ROBO2: variants seen among roughly 807,000 people sequenced by gnomAD.
The protein encoded by ROBO2 is roundabout guidance receptor 2.
A neutral mutation model predicts 160.8 loss-of-function variants in ROBO2; 53 were observed. The observed-to-expected ratio is 0.33, with a 90% confidence interval of 0.26 to 0.41. ROBO2 has a LOEUF of 0.41. Ranked by LOEUF, ROBO2 falls within the 10% of genes least tolerant of loss-of-function variation. The probability of loss-of-function intolerance (pLI) is 1.00; values close to 1 mark genes in which losing one functional copy is unlikely to be tolerated. For missense variants in ROBO2, 1,577 were observed against 1,722.4 expected (o/e 0.92, Z 1.49); for synonymous variants, 664 against 611.7 (o/e 1.09, Z -1.26).
At chr3:75,983,720 C>T (rs553718335) in intron 2 of ROBO2, among the ~76,000 whole-genome samples, 1 of 151,226 alleles carries the variant, frequency 6.6e-6, no homozygotes, top group South Asian at 2.1e-4. Context: ...TTTTTGATAT[C>T]AACTCCAGTC....
chr3:77,609,745 T>G (rs2094589835), intron 21 of ROBO2, among the ~76,000 whole-genome samples: 1 of 149,624 alleles, frequency 6.7e-6, no homozygotes, highest in Non-Finnish European at 1.5e-5. Flanking sequence ...ATAATTAAGA[T>G]ATAAAACACA....
intron 2 of ROBO2, among the ~76,000 whole-genome samples, chr3:77,293,504 A>T (rs1336158659): frequency 6.8e-6 from 1 of 147,928 alleles, no homozygotes; most frequent in Admixed American, 6.7e-5. Context: ...CCCCAGACAT[A>T]AAGTAGAATT....
At chr3:76,520,249 G>C (rs1342106115) in intron 2 of ROBO2, among the ~76,000 whole-genome samples, 1 of 152,096 alleles carries the variant, frequency 6.6e-6, no homozygotes, top group South Asian at 2.1e-4. Context: ...TCAGGGGTTC[G>C]ATACCAGCCT....
At position 76,610,466 on chromosome 3, in the gene ROBO2, G is replaced by A. The variant is rs9847519; in HGVS notation, c.110-487548G>A. Among the ~76,000 whole-genome samples, 34 of 152,276 alleles carry A rather than the reference G, an allele frequency of 2.2e-4. 1 individual carries two copies. In the East Asian group the frequency reaches 6.6e-3, roughly 29 times the overall value. On this transcript the variant is annotated intron_variant, in intron 2 of 26. Transcript: ENST00000487694. ...GCGCCAGTGTCTAGTTGAGGGGAAC[G>A]CAGTGGCACCCTAAAACCCAGAGAT...
At chr3:76,194,867 G>A (rs923034114) in intron 2 of ROBO2, among the ~76,000 whole-genome samples, 7 of 152,080 alleles carry the variant, frequency 4.6e-5, no homozygotes, top group Admixed American at 6.6e-5. Context: ...ATCCGCCCGC[G>A]TTGGTCTCTC....
upstream of ROBO2, among the ~76,000 whole-genome samples, chr3:77,036,665 A>T (rs2063655018): frequency 6.6e-6 from 1 of 152,068 alleles, no homozygotes; most frequent in Non-Finnish European, 1.5e-5. Context: ...GGTTTTACAT[A>T]AAAGAAGCCT....
chr3:77,004,867 C>T (rs1016845003), intron 2 of ROBO2, among the ~76,000 whole-genome samples: 1 of 152,136 alleles, frequency 6.6e-6, no homozygotes, highest in Non-Finnish European at 1.5e-5. Flanking sequence ...ACATTTCAGA[C>T]ACAGTATTCC....
chr3:77,522,648 G>T (rs1241024641), intron 5 of ROBO2, 127 bp from the exon 6 acceptor site: 2 of 910,288 alleles, frequency 2.2e-6, no homozygotes, highest in East Asian at 4.9e-5. Flanking sequence ...CTTTGTGGCT[G>T]ATTTGTGTGT....
At chr3:76,584,888 C>A (rs998365176) in intron 2 of ROBO2, among the ~76,000 whole-genome samples, 3 of 152,132 alleles carry the variant, frequency 2.0e-5, no homozygotes, top group African/African-American at 4.8e-5. Context: ...TCCTCATGAT[C>A]CTCAGAGCCT....
intron 2 of ROBO2, among the ~76,000 whole-genome samples, chr3:76,755,652 G>A (rs554469616): frequency 8.5e-4 from 129 of 151,854 alleles, no homozygotes; most frequent in African/African-American, 3.1e-3. Context: ...TGTTGTAATG[G>A]ACAATATCTT....
intron 24 of ROBO2, 98 bp from the exon 27 acceptor site, chr3:77,644,606 G>T (rs912775344): frequency 1.9e-6 from 2 of 1,046,542 alleles, no homozygotes; most frequent in African/African-American, 1.6e-5. Flanking sequence ...GAATGAAATG[G>T]TAAAGTAGGC....
At chr3:76,386,250 C>T (rs1336327759) in intron 2 of ROBO2, among the ~76,000 whole-genome samples, 2 of 151,944 alleles carry the variant, frequency 1.3e-5, no homozygotes, top group African/African-American at 4.8e-5. Context: ...CTCAGAAGAA[C>T]ACAGGTTATC....
intron 5 of ROBO2, among the ~76,000 whole-genome samples, chr3:77,505,141 C>G (rs185953288): frequency 3.9e-5 from 6 of 152,226 alleles, no homozygotes; most frequent in Admixed American, 3.3e-4. Context: ...AATTGAAGCA[C>G]ATTGAATAGA....
At chr3:75,907,864 TG>T (rs1252373522) in intron 1 of ROBO2, among the ~76,000 whole-genome samples, 1 of 55,640 alleles carries the variant, frequency 1.8e-5, no homozygotes, top group Non-Finnish European at 7.1e-5. Context: ...TGTGTGTGTG[TG>T]TGTGTGTGTG....
At chr3:76,545,687 A>G (rs945318251) in intron 2 of ROBO2, among the ~76,000 whole-genome samples, 1 of 151,962 alleles carries the variant, frequency 6.6e-6, no homozygotes, top group African/African-American at 2.4e-5. Context: ...AATGATTTCA[A>G]TTATCCAAGG....
At chr3:76,340,097 A>AAC (rs1576534210) in intron 2 of ROBO2, among the ~76,000 whole-genome samples, 2 of 151,492 alleles carry the variant, frequency 1.3e-5, no homozygotes, top group Admixed American at 1.3e-4. Flanking sequence ...AAAAAAAAAA[A>AAC]CTTAGAAAAT....
chr3:76,152,395 A>G (rs570920772), intron 2 of ROBO2, among the ~76,000 whole-genome samples: 1 of 152,296 alleles, frequency 6.6e-6, no homozygotes, highest in East Asian at 1.9e-4. Flanking sequence ...CAAAAGATTG[A>G]TGGAGTATAT....
intron 2 of ROBO2, among the ~76,000 whole-genome samples, chr3:76,942,607 A>G (rs746717624): frequency 1.6e-4 from 25 of 152,186 alleles, no homozygotes; most frequent in Non-Finnish European, 7.4e-5. Context: ...TTGGCTATAT[A>G]CACTCATATC....
At chr3:76,309,174 A>G (rs919279284) in intron 2 of ROBO2, among the ~76,000 whole-genome samples, 29 of 152,186 alleles carry the variant, frequency 1.9e-4, no homozygotes, top group African/African-American at 6.8e-4. Context: ...GGAGTTGGTC[A>G]ATTTATTCTA....
Sources: gnomAD v4.1 joint callset for allele counts (sites outside exome capture counted in the v4.1 genomes callset) on GRCh38, gnomAD v4.1.1 for gene constraint, MANE v1.5 for transcripts, NCBI Gene and HGNC (gene_info 2026-07-23, HGNC 2026-07-21) for gene names.